The following COG3 variants were observed in gnomAD, a reference collection of about 807,000 sequenced individuals.
COG3 encodes the protein component of oligomeric golgi complex 3, also known as conserved oligomeric Golgi complex subunit 3.
COG3 carries 32 observed loss-of-function variants against 114.1 expected under a neutral mutation model. The ratio of observed to expected loss-of-function variants is 0.28; its 90% CI spans 0.21 to 0.38. The LOEUF (loss-of-function observed/expected upper bound fraction) is 0.38. Among genes scored for constraint, COG3 ranks in the 10% least tolerant of loss-of-function variants. COG3 has a pLI of 1.00. For missense variants in COG3, 813 were observed against 973.2 expected, an observed-to-expected ratio of 0.84 and a Z score of 2.19; for synonymous variants, 352 against 365.7, an observed-to-expected ratio of 0.96 and a Z score of 0.43.
intron 22 of COG3, among the ~76,000 whole-genome samples, chr13:45,534,088 C>A (rs1873390586): frequency 6.6e-6 from 1 of 152,198 alleles, no homozygotes; most frequent in South Asian, 2.1e-4. Flanking sequence ...TCCTCCGTTA[C>A]AGAGCGGGCA....
At chr13:45,514,805 G>GC (rs1381230317) in intron 16 of COG3, among the ~76,000 whole-genome samples, 2 of 151,980 alleles carry the variant, frequency 1.3e-5, no homozygotes, top group Non-Finnish European at 2.9e-5. Context: ...CCACCACCAT[G>GC]CCCGGCTAAT....
In COG3 at chr13:45,492,200, T is replaced by G; in HGVS notation, c.1137T>G (p.Asp379Glu). 1 of 1,610,576 alleles carries G rather than the reference T, an allele frequency of 6.2e-7. No homozygotes were observed. The highest frequency in any genetic ancestry group is 2.2e-5 in the East Asian group (1 of 44,572). ...CCTTCATGGTTCATGTCTGCCAGGA[T>G]GAACACCAACTTTACAATGAATTTT... ...GCAFMVHVCQ[D>E]EHQLYNEFFT... Residue 379 changes from aspartate to glutamate, a missense_variant, in exon 11 of 23, where the codon GAT becomes GAG. Transcript: ENST00000349995.
At chr13:45,510,601 A>G (rs7335671) in intron 15 of COG3, among the ~76,000 whole-genome samples, 22,005 of 152,128 alleles carry the variant, frequency 0.14, 2,544 homozygotes, top group African/African-American at 0.32. Context: ...GTCATCACAG[A>G]CTCTAGGAAA....
intron 14 of COG3, among the ~76,000 whole-genome samples, chr13:45,507,293 G>A (rs754561513): frequency 6.6e-6 from 1 of 152,098 alleles, no homozygotes; most frequent in African/African-American, 2.4e-5. Flanking sequence ...ATTCTTTGAT[G>A]TAATTTGTTT....
chr13:45,525,633 G>GTTTT (rs1566273037), intron 20 of COG3, among the ~76,000 whole-genome samples: 22 of 13,932 alleles, frequency 1.6e-3, no homozygotes, highest in African/African-American at 7.9e-3. Context: ...GAGGGCTTTG[G>GTTTT]GTTTTTTTTT....
At position 45,481,291 on chromosome 13, in the gene COG3, A is replaced by G. The variant is rs1409868229; in HGVS notation, c.611A>G (p.Glu204Gly). ...AAGCTTTCCTATTTTAACGAATTGG[A>G]AACTATTAACACAGTAAGCATTGTT... ...QQKLSYFNELETINTKLNSPT... is the reference protein window; with the variant it reads ...QQKLSYFNELGTINTKLNSPT... Residue 204 changes from glutamate (E) to glycine (G), a missense_variant, in exon 5 of 23, where the codon GAA (glutamate) becomes GGA (glycine). Glu to Gly is a moderately conservative substitution (Grantham distance 98). Coordinates refer to ENST00000349995, the MANE Select transcript of COG3 (RefSeq NM_031431.4). The G allele has an allele frequency of 1.3e-6, 2 of 1,568,140 alleles. No homozygotes were observed. Among genetic ancestry groups the G allele is most frequent in the Non-Finnish European group, 1.8e-6 (2 of 1,141,188 alleles).
At chr13:45,471,122 G>A (rs566582482) in intron 1 of COG3, among the ~76,000 whole-genome samples, 5 of 152,062 alleles carry the variant, frequency 3.3e-5, no homozygotes, top group Non-Finnish European at 7.4e-5. Flanking sequence ...AGGATTCTTT[G>A]GCTGGGCATG....
At chr13:45,529,079 A>G (rs1009653402) in intron 20 of COG3, among the ~76,000 whole-genome samples, 10 of 152,182 alleles carry the variant, frequency 6.6e-5, no homozygotes, top group Non-Finnish European at 1.3e-4. Flanking sequence ...ATTTTTGCCA[A>G]TCATCTGTAA....
At chr13:45,491,031 C>A in intron 9 of COG3, 73 bp downstream of exon 9, 1 of 1,003,952 alleles carries the variant, frequency 1.0e-6, no homozygotes, top group Non-Finnish European at 1.5e-6. Context: ...AAATCTGGAT[C>A]TCTGATATTT....
intron 14 of COG3, among the ~76,000 whole-genome samples, chr13:45,503,605 G>A (rs1869783781): frequency 6.6e-6 from 1 of 152,166 alleles, no homozygotes; most frequent in South Asian, 2.1e-4. Flanking sequence ...GGGAAGGTGG[G>A]CTCAGTGTGG....
chr13:45,521,252 A>G (rs1161491926), intron 19 of COG3, among the ~76,000 whole-genome samples: 1 of 152,234 alleles, frequency 6.6e-6, no homozygotes, highest in Non-Finnish European at 1.5e-5. Context: ...ACATGCGTAT[A>G]GCAGGGATCC....
rs1260491989 is a variant in COG3, at chr13:45,486,505, C to T, written c.854C>T (p.Ser285Phe). The T allele has an allele frequency of 1.9e-6, 3 of 1,603,202 alleles. No individual in the cohort carries two copies. ...CCCATGTTTCTTTAGGATCCTTCAT[C>T]TGTACCTAATGCAGACAATGCCTTC... ...TSQLLKRDPS[S>F]VPNADNAFTL... The change falls in exon 8 of 23, where the codon TCT becomes TTT. Residue 285 changes from serine (S) to phenylalanine (F), a missense_variant. By Grantham distance (155) the Ser-to-Phe change is radical (BLOSUM62 -2). Transcript: ENST00000349995.
chr13:45,504,510 A>G (rs1458339256), intron 14 of COG3, among the ~76,000 whole-genome samples: 3 of 152,304 alleles, frequency 2.0e-5, no homozygotes, highest in East Asian at 1.9e-4. Flanking sequence ...TGGCATTACA[A>G]TGAGGCAGTG....
At chr13:45,473,054 A>G (rs1159591379) in intron 1 of COG3, among the ~76,000 whole-genome samples, 1 of 152,140 alleles carries the variant, frequency 6.6e-6, no homozygotes, top group Non-Finnish European at 1.5e-5. Flanking sequence ...TATTTTTAGT[A>G]GAGATGGGGT....
At position 45,501,108 on chromosome 13, in the gene COG3, T is replaced by C. The variant is rs1330254506; in HGVS notation, c.1489-2136T>C. 2.6e-5 allele frequency among the ~76,000 whole-genome samples: 4 copies of C among 152,326 alleles called. No individual in the cohort carries two copies. In the East Asian group the frequency reaches 7.7e-4, roughly 29 times the overall value. Reference sequence around the variant, plus strand: ...GAACTTGACCATCTGGCTGAAGTAGTGTTGTCAGGTTTCACCACCGTGCAG... The same window carrying C: ...GAACTTGACCATCTGGCTGAAGTAGCGTTGTCAGGTTTCACCACCGTGCAG... On this transcript the variant is annotated intron_variant, in intron 13 of 22. Coordinates refer to ENST00000349995, the MANE Select transcript of COG3 (RefSeq NM_031431.4).
intron 13 of COG3, among the ~76,000 whole-genome samples, chr13:45,497,784 T>TCAACCACAACAA (rs1555296483): frequency 1.7e-4 from 25 of 147,138 alleles, no homozygotes; most frequent in Non-Finnish European, 3.3e-4. Flanking sequence ...AGACCCTGTC[T>TCAACCACAACAA]CAACAACAAC....
intron 1 of COG3, among the ~76,000 whole-genome samples, chr13:45,473,313 A>G (rs1459118661): frequency 6.6e-6 from 1 of 152,140 alleles, no homozygotes; most frequent in Non-Finnish European, 1.5e-5. Flanking sequence ...TGGTGGATTC[A>G]AGACTAGTTA....
At position 45,516,121 on chromosome 13, in the gene COG3, A is replaced by AT. The variant is rs770934071; in HGVS notation, c.1810-17dup. 3.1e-5 allele frequency: 47 copies of AT among 1,513,366 alleles called. No individual in the cohort carries two copies. In the African/African-American group the frequency reaches 5.3e-4, roughly 17 times the overall value. 93.7% of individuals were successfully genotyped at this position (1,513,366 alleles called of 1,614,324 possible). ...TTTGATTTAATATGTGATCATATCC[A>AT]TTTTTCTGTCTTATAATTTAGACTC... is the stretch of plus-strand genomic sequence containing the variant. On this transcript the variant is annotated intron_variant, in intron 16 of 22. Transcript: ENST00000349995.
chr13:45,513,448 T>TATACATAATATATACATATAAATC (rs1871170404), intron 16 of COG3, among the ~76,000 whole-genome samples: 5 of 41,262 alleles, frequency 1.2e-4, no homozygotes, highest in African/African-American at 2.7e-4. Context: ...ACATATAAAT[T>TATACATAATATATACATATAAATC]ATATATATAA....
Sources: allele counts gnomAD v4.1 joint callset (sites outside exome capture counted in the v4.1 genomes callset), GRCh38; gene constraint gnomAD v4.1.1; transcripts MANE v1.5; gene names NCBI Gene and HGNC (gene_info 2026-07-23, HGNC 2026-07-21).